The following AXL variants were observed in gnomAD, a reference collection of about 807,000 sequenced individuals.
AXL encodes the protein AXL receptor tyrosine kinase, also known as tyrosine-protein kinase receptor UFO.
In AXL, 52 loss-of-function variants were observed where a neutral mutation model predicts 104.5. The observed-to-expected ratio is 0.50, with a 90% CI of 0.40 to 0.63. The LOEUF (loss-of-function observed/expected upper bound fraction) is 0.63, where lower values mean the gene tolerates loss of function less well. AXL is among the 20% of genes least tolerant of loss of function. AXL has a pLI of 0.00. For missense variants in AXL, 1,024 were observed against 1,188.5 expected (o/e 0.86, Z 2.04); for synonymous variants, 455 against 473.7 (o/e 0.96, Z 0.51).
intron 4 of AXL, among the ~76,000 whole-genome samples, chr19:41,225,064 C>A (rs1426747843): frequency 6.6e-6 from 1 of 152,194 alleles, no homozygotes; most frequent in Non-Finnish European, 1.5e-5. Context: ...AGTGCAGTGG[C>A]ACGATCTTGG....
chr19:41,231,838 A>T (rs1475544153), intron 6 of AXL, among the ~76,000 whole-genome samples: 1 of 151,738 alleles, frequency 6.6e-6, no homozygotes, highest in Non-Finnish European at 1.5e-5. Flanking sequence ...GAGGCAGGAG[A>T]ATTGCTTGAA....
intron 19 of AXL, among the ~76,000 whole-genome samples, chr19:41,258,052 T>C (rs2034482069): frequency 6.6e-6 from 1 of 152,254 alleles, no homozygotes; most frequent in Non-Finnish European, 1.5e-5. Context: ...TTTATTGGCC[T>C]TCTCCAGACT....
At chr19:41,221,443 G>C in intron 3 of AXL, 197 bp downstream of exon 3, 1 of 561,468 alleles carries the variant, frequency 1.8e-6, no homozygotes, top group South Asian at 2.4e-5. Context: ...TGGTGCCAAG[G>C]CTGGGGGATT....
rs1441614964 is a variant in AXL, at chr19:41,238,033, C to A, written c.873C>A (p.Pro291=). 6.2e-7 allele frequency: 1 copy of A among 1,613,978 alleles called. No homozygotes were observed. Among genetic ancestry groups the A allele is most frequent in the Admixed American group, 1.7e-5 (1 of 59,994 alleles). ...EPLTSQASVP[P]HQLRLGSLHP... is the part of the protein sequence containing the mutation. ...TCACCTCGCAAGCATCCGTGCCCCC[C>A]CATCAGCTTCGGCTAGGCAGCCTCC... Residue 291 remains proline (P), a synonymous_variant, in exon 7 of 20, where the codon CCC becomes CCA. Coordinates refer to ENST00000301178, the MANE Select transcript of AXL (RefSeq NM_021913.5).
At chr19:41,245,610 A>C (rs1243202550) in intron 12 of AXL, among the ~76,000 whole-genome samples, 1 of 149,512 alleles carries the variant, frequency 6.7e-6, no homozygotes, top group African/African-American at 2.5e-5. Context: ...GCTACTTGGG[A>C]GGCTGAGGCA....
intron 6 of AXL, among the ~76,000 whole-genome samples, chr19:41,233,737 C>T (rs2034034078): frequency 6.7e-6 from 1 of 149,874 alleles, no homozygotes; most frequent in African/African-American, 2.4e-5. Flanking sequence ...CTCCCATCCT[C>T]CTCCCCTCCC....
Position 41,221,724 on chromosome 19 carries a change from T to C in AXL, c.410-156T>C, listed in dbSNP as rs55881297. The stretch of plus-strand genomic sequence containing the variant: ...ATCAGATATTGGGGTCACGTGTGTG[T>C]TGGGTATGGCTCAGGTGCCCTCGGG... On this transcript the variant is annotated intron_variant, in intron 3 of 19. Coordinates refer to ENST00000301178, the MANE Select transcript of AXL (RefSeq NM_021913.5). The C allele has an allele frequency of 9.9e-3, 7,056 of 712,832 alleles. 307 individuals are homozygous for C. The highest frequency in any genetic ancestry group is 0.097 in the African/African-American group (5,365 of 55,442). 44.2% of individuals were successfully genotyped at this position (712,832 alleles called of 1,614,324 possible).
chr19:41,241,458 T>G (rs762413893), intron 10 of AXL, among the ~76,000 whole-genome samples: 8 of 146,436 alleles, frequency 5.5e-5, no homozygotes, highest in Non-Finnish European at 1.0e-4. Context: ...GCACAAGAAT[T>G]GCTTGAACCT....
intron 6 of AXL, among the ~76,000 whole-genome samples, chr19:41,233,347 G>A (rs1440309659): frequency 6.7e-6 from 1 of 149,526 alleles, no homozygotes; most frequent in Non-Finnish European, 1.5e-5. Context: ...ATACTTACAT[G>A]CTCTGAGCAC....
At chr19:41,235,372 AG>A (rs58053044) in intron 6 of AXL, among the ~76,000 whole-genome samples, 76,486 of 134,364 alleles carry the variant, frequency 0.57, 20,278 homozygotes, top group African/African-American at 0.72. Context: ...ATAAATAAAT[AG>A]ATAGATAGAT....
chr19:41,220,696 G>T lies in AXL; in HGVS notation c.146G>T (p.Gly49Val). Reference protein sequence around the residue: ...GNPGNITGARGLTGTLRCQLQ... With the variant: ...GNPGNITGARVLTGTLRCQLQ... The stretch of plus-strand genomic sequence containing the variant: ...CCAGGGAATATCACAGGTGCCCGGG[G>T]ACTCACGGGCACCCTTCGGTGTCAG... The change falls in exon 2 of 20, where the codon GGA becomes GTA. Residue 49 changes from glycine to valine, a missense_variant. Coordinates refer to ENST00000301178, the MANE Select transcript of AXL (RefSeq NM_021913.5). The T allele has an allele frequency of 1.2e-6, 2 of 1,612,760 alleles. No homozygotes were observed. Among genetic ancestry groups the T allele is most frequent in the South Asian group, 1.1e-5 (1 of 90,770 alleles).
Position 41,219,759 on chromosome 19 carries a change from G to A in AXL, c.85+282G>A, listed in dbSNP as rs139903738. Among the ~76,000 whole-genome samples, 303 of 151,584 alleles carry A rather than the reference G, an allele frequency of 2.0e-3. 1 individual carries two copies. Among genetic ancestry groups the A allele is most frequent in the African/African-American group, 6.8e-3 (279 of 41,282 alleles). On this transcript the variant is annotated intron_variant, in intron 1 of 19. Transcript: ENST00000301178. ...GAAGCTGAGGGCAGGGGTGGGGGCT[G>A]GACCTGAGAAGGGGGCCATGGGGAG...
rs371765364 is a variant in AXL, at chr19:41,236,556, G to A, written c.784-1388G>A. Among the ~76,000 whole-genome samples the A allele has an allele frequency of 8.8e-4, 134 of 151,920 alleles. 1 individual carries two copies. The highest frequency in any genetic ancestry group is 3.1e-3 in the African/African-American group (127 of 41,450). On this transcript the variant is annotated intron_variant, in intron 6 of 19. Transcript: ENST00000301178. ...AGCACTTTGAGAGGCTGAGGCGGGCGGATTGCCTGAGGTCAAGAGTTTGAG... is the reference window on the plus strand; with the variant it reads ...AGCACTTTGAGAGGCTGAGGCGGGCAGATTGCCTGAGGTCAAGAGTTTGAG...
rs71177704 is a variant in AXL, at chr19:41,256,080, G to GGT, written c.2037-352_2037-351dup. Among the ~76,000 whole-genome samples the GGT allele has an allele frequency of 2.6e-3, 394 of 150,590 alleles. 1 individual carries two copies. The highest frequency in any genetic ancestry group is 8.0e-3 in the East Asian group (41 of 5,130). ...TCTTAATCTGGGTGCTGGTTACATG[G>GGT]GTGTGTGTGTGTGTGTGTGTGAAAA... is the stretch of plus-strand genomic sequence containing the variant. On this transcript the variant is annotated intron_variant, in intron 17 of 19. Transcript: ENST00000301178.
chr19:41,222,194 T>A, intron 4 of AXL, 138 bp downstream of exon 4: 1 of 962,914 alleles, frequency 1.0e-6, no homozygotes, highest in Non-Finnish European at 1.5e-6. Flanking sequence ...CGTTTCTCCC[T>A]CTGAGTCTGT....
At chr19:41,236,653 C>T (rs986328297) in intron 6 of AXL, among the ~76,000 whole-genome samples, 1 of 148,340 alleles carries the variant, frequency 6.7e-6, no homozygotes, top group Non-Finnish European at 1.5e-5. Flanking sequence ...TGGTGGTACG[C>T]GTAGTCCCAG....
Position 41,252,885 on chromosome 19 carries a change from C to A in AXL, c.1844C>A (p.Ala615Glu), listed in dbSNP as rs761700676. 6.2e-7 allele frequency: 1 copy of A among 1,614,146 alleles called. No homozygotes were observed. Among genetic ancestry groups the A allele is most frequent in the South Asian group, 1.1e-5 (1 of 91,078 alleles). The change falls in exon 16 of 20, where the codon GCA becomes GAA. Residue 615 changes from alanine (A) to glutamate (E), a missense_variant. By Grantham distance (107) the Ala-to-Glu change is moderately radical. This residue lies in a region of AXL where 523 missense variants were observed against 636.0 expected (regional missense o/e 0.82). Coordinates refer to ENST00000301178, the MANE Select transcript of AXL (RefSeq NM_021913.5). ...FQGSERESFP[A>E]PVVILPFMKH... ...GGTTCTGAACGAGAGAGCTTCCCAG[C>A]ACCTGTGGTCATCTTACCTTTCATG...
rs777619818 is a variant in AXL at position 41,231,277 on chromosome 19, C to G, written c.762C>G (p.Pro254=). The G allele has an allele frequency of 1.2e-5, 20 of 1,613,548 alleles. No homozygotes were observed. In the Admixed American group the frequency reaches 2.3e-4, roughly 19 times the overall value. The change falls in exon 6 of 20, where the codon CCC becomes CCG. Residue 254 remains proline, a synonymous_variant. Coordinates refer to ENST00000301178, the MANE Select transcript of AXL (RefSeq NM_021913.5). The part of the protein sequence containing the change: ...AWTPGLSGIY[P]LTHCTLQAVL... ...CTCCAGGCCTGAGCGGCATCTACCCCCTGACCCACTGCACCCTGCAGGTGA... is the reference window on the plus strand; with the variant it reads ...CTCCAGGCCTGAGCGGCATCTACCCGCTGACCCACTGCACCCTGCAGGTGA...
chr19:41,220,365 G>A, intron 1 of AXL: 1 of 420,290 alleles, frequency 2.4e-6, no homozygotes, highest in Non-Finnish European at 4.4e-6. Flanking sequence ...GCAGGGGCTG[G>A]CCCTGCCAGG....
Sources: gnomAD v4.1 joint callset for allele counts (sites outside exome capture counted in the v4.1 genomes callset) on GRCh38, gnomAD v4.1.1 for gene constraint, gnomAD v4.1.1 regional missense constraint, MANE v1.5 for transcripts, NCBI Gene and HGNC (gene_info 2026-07-23, HGNC 2026-07-21) for gene names.